Variants in RANBP2 observed in about 807,000 individuals in gnomAD.
RANBP2 encodes E3 SUMO-protein ligase RanBP2.
RANBP2 carries 57 observed loss-of-function variants against 303.6 expected under a neutral mutation model. That is an observed-to-expected ratio of 0.19 (90% CI 0.15 to 0.23). RANBP2 has a LOEUF of 0.23. Ranked by LOEUF, RANBP2 falls within the 10% of genes least tolerant of loss-of-function variation. RANBP2 has a pLI of 1.00. For synonymous variants in RANBP2, 1,167 were observed against 1,301.5 expected, an observed-to-expected ratio of 0.90 and a Z score of 2.23; for missense variants, 3,138 against 3,780.8, an observed-to-expected ratio of 0.83 and a Z score of 4.46.
At chr2:109,229,203 A>T in the RANBP2 span, among the ~76,000 whole-genome samples, 1 of 152,190 alleles carries the variant, frequency 6.6e-6, no homozygotes, top group Non-Finnish European at 1.5e-5. Context: ...ATGTATTTTT[A>T]TTATGTCACA....
At chr2:108,843,886 CTTTTTT>C in the RANBP2 span, among the ~76,000 whole-genome samples, 3 of 94,018 alleles carry the variant, frequency 3.2e-5, no homozygotes, top group Non-Finnish European at 5.7e-5. Flanking sequence ...GTGTTTCTTT[CTTTTTT>C]TTTTTTTTTT....
At chr2:109,228,452 G>T in the RANBP2 span, among the ~76,000 whole-genome samples, 90 of 152,332 alleles carry the variant, frequency 5.9e-4, 1 homozygote, top group Non-Finnish European at 1.2e-3. Flanking sequence ...CCAGATGTGT[G>T]TGGGGTTTTG....
chr2:109,684,537 GC>G, the RANBP2 span, among the ~76,000 whole-genome samples: 14 of 88,954 alleles, frequency 1.6e-4, no homozygotes, highest in Non-Finnish European at 3.0e-4. Flanking sequence ...CTGCACCCGG[GC>G]TTTTTTTTTT....
intron 8 of RANBP2, among the ~76,000 whole-genome samples, chr2:108,747,861 G>A (rs371226328): frequency 6.6e-6 from 1 of 152,120 alleles, no homozygotes. Flanking sequence ...GTGGCTTTTA[G>A]TATGTTCATA....
At chr2:108,932,354 T>C in the RANBP2 span, among the ~76,000 whole-genome samples, 4,502 of 151,472 alleles carry the variant, frequency 0.03, 137 homozygotes, top group African/African-American at 0.077. Context: ...AGGTGAAACC[T>C]CGTCTCTACT....
At chr2:108,757,325 T>G (rs887799194) in intron 17 of RANBP2, among the ~76,000 whole-genome samples, 11 of 152,348 alleles carry the variant, frequency 7.2e-5, no homozygotes, top group African/African-American at 1.7e-4. Flanking sequence ...GACGGCATTG[T>G]ATCTATCTGC....
At chr2:108,796,517 A>G in the RANBP2 span, among the ~76,000 whole-genome samples, 1 of 152,228 alleles carries the variant, frequency 6.6e-6, no homozygotes, top group South Asian at 2.1e-4. Flanking sequence ...TATCGAAGAG[A>G]TACCTGCACT....
chr2:109,391,478 T>C, the RANBP2 span, among the ~76,000 whole-genome samples: 1 of 152,068 alleles, frequency 6.6e-6, no homozygotes, highest in Non-Finnish European at 1.5e-5. Flanking sequence ...CTCACACAGG[T>C]CTCCAGCACA....
the RANBP2 span, among the ~76,000 whole-genome samples, chr2:109,364,113 A>G: frequency 1.3e-4 from 20 of 149,096 alleles, no homozygotes; most frequent in African/African-American, 4.9e-4. Flanking sequence ...TTGCCCCACA[A>G]TTCTTGCTTT....
At chr2:109,777,160 A>G in the RANBP2 span, among the ~76,000 whole-genome samples, 3 of 128,476 alleles carry the variant, frequency 2.3e-5, no homozygotes, top group African/African-American at 5.7e-5. Context: ...ACTGTTGAGT[A>G]TGATATTATC....
chr2:108,939,395 A>G, the RANBP2 span, among the ~76,000 whole-genome samples: 1 of 152,030 alleles, frequency 6.6e-6, no homozygotes, highest in Non-Finnish European at 1.5e-5. Flanking sequence ...CCATGTTGGC[A>G]AGGCTGGTCT....
At chr2:109,398,694 C>T in the RANBP2 span, 58 of 1,611,054 alleles carry the variant, frequency 3.6e-5, no homozygotes, top group East Asian at 8.7e-4. Context: ...CTGTGGCCAG[C>T]GTGGCCCCAA....
the RANBP2 span, among the ~76,000 whole-genome samples, chr2:109,696,454 T>TC: frequency 1.1e-4 from 17 of 152,324 alleles, no homozygotes; most frequent in Admixed American, 1.1e-3. Context: ...TTGGCATAAT[T>TC]GTCAGAGATG....
chr2:108,867,619 G>T, the RANBP2 span, among the ~76,000 whole-genome samples: 1 of 152,008 alleles, frequency 6.6e-6, no homozygotes, highest in East Asian at 1.9e-4. Flanking sequence ...TTCCAAAAAG[G>T]AATGAGGGTG....
At chr2:108,770,989 T>TAA (rs1677458113) in intron 20 of RANBP2, among the ~76,000 whole-genome samples, 2 of 152,164 alleles carry the variant, frequency 1.3e-5, no homozygotes, top group Admixed American at 1.3e-4. Flanking sequence ...CTTGCTTTAT[T>TAA]AAACTCCTTT....
chr2:109,447,147 T>TAAAAAA, the RANBP2 span, among the ~76,000 whole-genome samples: 24 of 82,592 alleles, frequency 2.9e-4, no homozygotes, highest in African/African-American at 3.5e-4. Context: ...CCTGAATATT[T>TAAAAAA]AAAAAAAAAA....
intron 6 of RANBP2, among the ~76,000 whole-genome samples, chr2:108,740,016 C>T (rs1472364669): frequency 2.0e-5 from 3 of 151,322 alleles, no homozygotes; most frequent in South Asian, 2.1e-4. Context: ...CTATTTTAAA[C>T]GCTGTAATGA....
the RANBP2 span, chr2:109,130,252 C>A: frequency 2.3e-6 from 2 of 853,152 alleles, no homozygotes; most frequent in East Asian, 3.4e-5. Context: ...GCTCTTCCTC[C>A]AACTTCGCTT....
the RANBP2 span, among the ~76,000 whole-genome samples, chr2:109,217,825 C>T: frequency 6.6e-6 from 1 of 152,178 alleles, no homozygotes; most frequent in Admixed American, 6.5e-5. Flanking sequence ...CTGGACACCA[C>T]CAGCTTCCCC....
Sources: gnomAD v4.1 joint callset for allele counts (sites outside exome capture counted in the v4.1 genomes callset) on GRCh38, gnomAD v4.1.1 for gene constraint, MANE v1.5 for transcripts, NCBI Gene and HGNC (gene_info 2026-07-23, HGNC 2026-07-21) for gene names.